The following CACNA1I variants were observed in gnomAD, a reference collection of about 807,000 sequenced individuals.
The protein encoded by CACNA1I is voltage-dependent T-type calcium channel subunit alpha-1I.
Under a neutral mutation model 201.6 loss-of-function variants are expected in CACNA1I, and 74 were observed. The ratio of observed to expected loss-of-function variants is 0.37; its 90% CI spans 0.30 to 0.45. CACNA1I has a LOEUF of 0.45. Ranked by LOEUF, CACNA1I falls within the 20% of genes least tolerant of loss-of-function variation. The pLI is 1.00. For missense variants in CACNA1I, 2,346 were observed against 3,138.1 expected (o/e 0.75, Z 6.03); for synonymous variants, 1,431 against 1,345.2 (o/e 1.06, Z -1.40).
Position 39,687,546 on chromosome 22 carries a change from CA to C in CACNA1I, c.*1142del, listed in dbSNP as rs1270150643. 1 of 152,266 alleles carries C rather than the reference CA, an allele frequency of 6.6e-6. No individual in the cohort carries two copies. Among genetic ancestry groups the C allele is most frequent in the Non-Finnish European group, 1.5e-5 (1 of 68,126 alleles). 9.4% of individuals were successfully genotyped at this position (152,266 alleles called of 1,614,324 possible). A position where few individuals can be genotyped will look rare whatever the true frequency, so the allele number is the denominator to read the frequency against. ...AAAGCAGCTCTGACCGAATTCTAGG[CA>C]GGGGTGGGGGCACCTGCCTGGGCCC... On this transcript the variant is annotated 3_prime_UTR_variant, in exon 37 of 37. Coordinates refer to ENST00000402142, the MANE Select transcript of CACNA1I (RefSeq NM_021096.4).
At chr22:39,586,146 C>G (rs1932747243) in intron 1 of CACNA1I, among the ~76,000 whole-genome samples, 1 of 151,870 alleles carries the variant, frequency 6.6e-6, no homozygotes, top group Admixed American at 6.6e-5. Flanking sequence ...CCATTGTACT[C>G]TAGTCTGGCG....
chr22:39,591,019 T>A lies in CACNA1I; in HGVS notation c.237-7132T>A, dbSNP rs554938589. Reference sequence around the variant, plus strand: ...CCACCACAGCTGGCTAATTAAAAAATTTTTTTTTTTTTTTGCAGATATGAG... The same window carrying A: ...CCACCACAGCTGGCTAATTAAAAAAATTTTTTTTTTTTTTGCAGATATGAG... On this transcript the variant is annotated intron_variant, in intron 1 of 36. Transcript: ENST00000402142. Among the ~76,000 whole-genome samples, 495 of 113,092 alleles carry A rather than the reference T, an allele frequency of 4.4e-3. 4 individuals carry two copies. Among genetic ancestry groups the A allele is most frequent in the Admixed American group, 0.014 (157 of 11,078 alleles). 74.2% of individuals were successfully genotyped at this position (113,092 alleles called of 152,430 possible).
chr22:39,585,674 G>C (rs1601795433), intron 1 of CACNA1I, among the ~76,000 whole-genome samples: 1 of 135,714 alleles, frequency 7.4e-6, no homozygotes, highest in South Asian at 2.5e-4. Flanking sequence ...TTATAGGCGT[G>C]AGCTACCATG....
At position 39,633,557 on chromosome 22, in the gene CACNA1I, G is replaced by A. The variant is rs1255410780; in HGVS notation, c.581-1008G>A. ...TTCACAGGGCTGCGGTGGCTGAATA[G>A]GGATTTGCCAGGCAGAAGAGAGGAG... is the stretch of plus-strand genomic sequence containing the variant. On this transcript the variant is annotated intron_variant, in intron 4 of 36. Coordinates refer to ENST00000402142, the MANE Select transcript of CACNA1I (RefSeq NM_021096.4). Among the ~76,000 whole-genome samples, 3 of 152,230 alleles carry A rather than the reference G, an allele frequency of 2.0e-5. No homozygotes were observed. In the East Asian group the frequency reaches 5.8e-4, roughly 29 times the overall value.
chr22:39,661,364 A>G (rs986442834), intron 16 of CACNA1I, 54 bp downstream of exon 16: 22 of 1,360,234 alleles, frequency 1.6e-5, no homozygotes, highest in Non-Finnish European at 2.2e-5. Context: ...GTGTGTGTGG[A>G]GGGGCCCTGA....
chr22:39,633,850 G>T (rs985609643), intron 4 of CACNA1I, among the ~76,000 whole-genome samples: 1 of 152,230 alleles, frequency 6.6e-6, no homozygotes, highest in Non-Finnish European at 1.5e-5. Flanking sequence ...GTTAGCAGGC[G>T]CTTGGCTCTT....
At chr22:39,671,105 TG>T (rs1174112078) in intron 26 of CACNA1I, among the ~76,000 whole-genome samples, 151 bp downstream of exon 26, 1 of 151,736 alleles carries the variant, frequency 6.6e-6, no homozygotes, top group Non-Finnish European at 1.5e-5. Context: ...GGCACTGCAG[TG>T]GGAGGAGGTG....
At position 39,670,092 on chromosome 22, in the gene CACNA1I, A is replaced by G. The variant is rs749013976; in HGVS notation, c.4249A>G (p.Ile1417Val). The change falls in exon 25 of 37, where the codon ATC becomes GTC. Residue 1417 changes from isoleucine to valine, a missense_variant. Transcript: ENST00000402142. Reference protein sequence around the residue: ...MLLYFISFLLIVSFFVLNMFV... With the variant: ...MLLYFISFLLVVSFFVLNMFV... ...GCTGTACTTCATCTCCTTCCTGCTC[A>G]TCGTCAGCTTCTTTGTGCTCAACAT... 4.3e-6 allele frequency: 7 copies of G among 1,613,458 alleles called. No homozygotes were observed. The highest frequency in any genetic ancestry group is 4.0e-5 in the African/African-American group (3 of 74,930).
chr22:39,639,521 TA>T lies in CACNA1I; in HGVS notation c.741-1345del, dbSNP rs1934301858. On this transcript the variant is annotated intron_variant, in intron 5 of 36. Transcript: ENST00000402142. ...ACTGGAAGTTTACTGTTTTTAGTTT[TA>T]TAATATATCTTACTTAATCTAATAT... Among the ~76,000 whole-genome samples, 7 of 152,364 alleles carry T rather than the reference TA, an allele frequency of 4.6e-5. No individual in the cohort carries two copies. The South Asian group carries it at 1.4e-3, about 32-fold the overall frequency.
intron 32 of CACNA1I, 24 bp from the exon 33 acceptor site, chr22:39,679,698 C>T (rs1935633378): frequency 1.9e-6 from 3 of 1,600,096 alleles, no homozygotes; most frequent in Non-Finnish European, 2.6e-6. Flanking sequence ...CCCGCCTGTC[C>T]CCACCCCGTC....
intron 4 of CACNA1I, among the ~76,000 whole-genome samples, chr22:39,631,886 G>C (rs1934073422): frequency 6.6e-6 from 1 of 152,088 alleles, no homozygotes; most frequent in African/African-American, 2.4e-5. Context: ...CCTCTTCCCT[G>C]GCAAGGAAGG....
chr22:39,614,797 C>T (rs1274229746), intron 3 of CACNA1I, among the ~76,000 whole-genome samples: 2 of 152,190 alleles, frequency 1.3e-5, no homozygotes, highest in Non-Finnish European at 2.9e-5. Flanking sequence ...TTTGCATGGC[C>T]CCTCTACCAG....
rs1023423417 is a variant in CACNA1I at position 39,649,356 on chromosome 22, C to T, written c.1568-145C>T. The T allele has an allele frequency of 7.6e-6, 6 of 788,350 alleles. No homozygotes were observed. The South Asian group carries it at 1.1e-4, about 15-fold the overall frequency. 48.8% of individuals were successfully genotyped at this position (788,350 alleles called of 1,614,324 possible). A position where few individuals can be genotyped will look rare whatever the true frequency, so the allele number is the denominator to read the frequency against. ...AGAGAGCTGCAGCCGCTTCCCCAGG[C>T]ACCCCTGACCGCCTTTCCAGGCTGG... On this transcript the variant is annotated intron_variant, in intron 9 of 36. Coordinates refer to ENST00000402142, the MANE Select transcript of CACNA1I (RefSeq NM_021096.4). This position sits in a 1 kb window ranked among gnomAD's most constrained non-coding sequence, Gnocchi z 7.3.
intron 3 of CACNA1I, among the ~76,000 whole-genome samples, chr22:39,611,304 C>G (rs1038793963): frequency 6.6e-6 from 1 of 152,182 alleles, no homozygotes; most frequent in Non-Finnish European, 1.5e-5. Context: ...AGATTGGTAG[C>G]CTGCCTCAGG....
Position 39,570,938 on chromosome 22 carries a change from G to A in CACNA1I, c.186G>A (p.Leu62=), listed in dbSNP as rs772682244. ...TGGCGCCTATTGCCTTCTTCTGCCT[G>A]CGACAGACCACCAGCCCCCGGAACT... is the stretch of plus-strand genomic sequence containing the variant. The part of the protein sequence containing the change: ...PDLAPIAFFC[L]RQTTSPRNWC... Residue 62 remains leucine (L), a synonymous_variant, in exon 1 of 37, where the codon CTG becomes CTA. Transcript: ENST00000402142. 2.5e-6 allele frequency: 4 copies of A among 1,613,802 alleles called. No individual in the cohort carries two copies. The South Asian group carries it at 4.4e-5, about 18-fold the overall frequency.
At chr22:39,606,224 CGG>C (rs1933216039) in intron 3 of CACNA1I, among the ~76,000 whole-genome samples, 1 of 152,092 alleles carries the variant, frequency 6.6e-6, no homozygotes, top group Non-Finnish European at 1.5e-5. Context: ...TGTGGGATTG[CGG>C]TGGCCTGGGG....
intron 4 of CACNA1I, among the ~76,000 whole-genome samples, chr22:39,620,263 C>A (rs796374761): frequency 8.2e-4 from 94 of 114,186 alleles, no homozygotes; most frequent in African/African-American, 2.8e-3. Context: ...ATCCATCCAT[C>A]CATCCATCCA....
chr22:39,683,726 G>A (rs1935770588), intron 35 of CACNA1I, among the ~76,000 whole-genome samples: 1 of 83,776 alleles, frequency 1.2e-5, no homozygotes, highest in Non-Finnish European at 2.4e-5. Flanking sequence ...ACCCAGACCT[G>A]CCCCAGCCTT....
intron 1 of CACNA1I, among the ~76,000 whole-genome samples, chr22:39,584,360 G>A (rs566050694): frequency 6.6e-6 from 1 of 152,302 alleles, no homozygotes; most frequent in South Asian, 2.1e-4. Flanking sequence ...GGAGAATTTA[G>A]TGGTCTGGGA....
Sources: gnomAD v4.1 joint callset for allele counts (sites outside exome capture counted in the v4.1 genomes callset) on GRCh38, gnomAD v4.1.1 for gene constraint, Gnocchi (gnomAD v3.1) non-coding constraint, MANE v1.5 for transcripts, NCBI Gene and HGNC (gene_info 2026-07-23, HGNC 2026-07-21) for gene names.